The following PKD1L1 variants were observed in gnomAD, a reference collection of about 807,000 sequenced individuals.
The protein encoded by PKD1L1 is polycystin-1-like protein 1.
In PKD1L1, 236 loss-of-function variants were observed where a neutral mutation model predicts 323.4. That is an observed-to-expected ratio of 0.73 (90% CI 0.66 to 0.81). The LOEUF is 0.81. Ranked by LOEUF, PKD1L1 falls within the 40% of genes least tolerant of loss-of-function variation. PKD1L1 has a pLI of 0.00. For missense variants in PKD1L1, 3,320 were observed against 3,508.0 expected, an observed-to-expected ratio of 0.95 and a Z score of 1.35; for synonymous variants, 1,344 against 1,335.0, an observed-to-expected ratio of 1.01 and a Z score of -0.15.
upstream of PKD1L1, among the ~76,000 whole-genome samples, chr7:47,949,941 C>T (rs999021542): frequency 3.3e-5 from 5 of 152,200 alleles, no homozygotes; most frequent in African/African-American, 1.2e-4. Context: ...GGGCCTGCTG[C>T]CACCTCTGCT....
chr7:47,853,782 A>AC (rs1445381605), intron 30 of PKD1L1, among the ~76,000 whole-genome samples: 231 of 150,450 alleles, frequency 1.5e-3, no homozygotes, highest in Non-Finnish European at 2.2e-3. Context: ...AAAAAAAAAA[A>AC]AACACCAAAA....
Position 47,905,929 on chromosome 7 carries a change from G to T in PKD1L1, c.1436C>A (p.Pro479His), listed in dbSNP as rs367553671. ...TVVIHHFPSI[P>H]SYNVSFISQT... ...AGAAATAAAGGACACGTTATATGAA[G>T]GAATAGATGGAAAGTGATGTATAAC... The change falls in exon 10 of 57, where the codon CCT becomes CAT. Residue 479 changes from proline to histidine, a missense_variant. Pro to His is a moderately conservative substitution (Grantham distance 77). Coordinates refer to ENST00000289672, the MANE Select transcript of PKD1L1 (RefSeq NM_138295.5). The T allele has an allele frequency of 6.2e-7, 1 of 1,611,544 alleles. No homozygotes were observed. The highest frequency in any genetic ancestry group is 8.5e-7 in the Non-Finnish European group (1 of 1,179,114).
At chr7:47,924,282 T>C (rs569364344) in intron 7 of PKD1L1, among the ~76,000 whole-genome samples, 13 of 152,286 alleles carry the variant, frequency 8.5e-5, no homozygotes, top group Admixed American at 2.6e-4. Context: ...GGCTGAACAA[T>C]TGGGATGAAA....
At position 47,808,320 on chromosome 7, in the gene PKD1L1, T is replaced by A; in HGVS notation, c.7754A>T (p.Asp2585Val). ...TCCTCTGTGAAACTGGTTAGTGACA[T>A]CTCCAGCAAGAGTAACAAGGTGGCC... The part of the protein sequence containing the change: ...VSGHLVTLAG[D>V]VTNQFHRGLC... Residue 2585 changes from aspartate to valine, a missense_variant, in exon 52 of 57, where the codon GAT (aspartate) becomes GTT (valine). Transcript: ENST00000289672. 1 of 1,614,038 alleles carries A rather than the reference T, an allele frequency of 6.2e-7. No homozygotes were observed. Among genetic ancestry groups the A allele is most frequent in the South Asian group, 1.1e-5 (1 of 91,076 alleles).
At chr7:47,916,326 A>C (rs966258842) in intron 7 of PKD1L1, among the ~76,000 whole-genome samples, 1 of 152,212 alleles carries the variant, frequency 6.6e-6, no homozygotes, top group African/African-American at 2.4e-5. Flanking sequence ...AGTTCTTTCT[A>C]GAGTTGACCT....
At chr7:47,788,110 G>C (rs1022221003) in intron 56 of PKD1L1, among the ~76,000 whole-genome samples, 3 of 151,742 alleles carry the variant, frequency 2.0e-5, no homozygotes, top group African/African-American at 4.8e-5. Flanking sequence ...TTTAACTTGA[G>C]CTATATTCCT....
chr7:47,931,800 A>C (rs1211484297), intron 5 of PKD1L1, 136 bp downstream of exon 5: 2 of 1,189,356 alleles, frequency 1.7e-6, no homozygotes, highest in Admixed American at 2.3e-5. Context: ...GCAGTGTCCA[A>C]ATGACTTAGA....
At chr7:47,823,914 G>C (rs1785195098) in intron 45 of PKD1L1, among the ~76,000 whole-genome samples, 1 of 152,212 alleles carries the variant, frequency 6.6e-6, no homozygotes, top group African/African-American at 2.4e-5. Flanking sequence ...TGTGGGTGTT[G>C]TTACCAGCTC....
chr7:47,791,966 T>C (rs1021289741), intron 56 of PKD1L1, among the ~76,000 whole-genome samples: 6 of 152,208 alleles, frequency 3.9e-5, no homozygotes, highest in Admixed American at 6.5e-5. Context: ...AGTTTGCAAG[T>C]AGTGTGACTC....
chr7:47,845,095 G>C lies in PKD1L1; in HGVS notation c.5154-17C>G. On this transcript the variant is annotated splice_polypyrimidine_tract_variant and intron_variant, in intron 32 of 56. Coordinates refer to ENST00000289672, the MANE Select transcript of PKD1L1 (RefSeq NM_138295.5). ...CGATGGTAGCTAGGAGGGAAATGCG[G>C]ATGAGGATACAGAATGTGTGGAGAG... is the stretch of plus-strand genomic sequence containing the variant. The C allele has an allele frequency of 6.2e-7, 1 of 1,607,836 alleles. No homozygotes were observed. The highest frequency in any genetic ancestry group is 8.5e-7 in the Non-Finnish European group (1 of 1,175,304).
intron 24 of PKD1L1, 45 bp from the exon 25 acceptor site, chr7:47,866,659 A>G (rs747727862): frequency 1.2e-5 from 18 of 1,497,926 alleles, no homozygotes; most frequent in Non-Finnish European, 1.4e-5. Context: ...AACACACGGC[A>G]AAACTTTTCA....
chr7:47,830,105 C>T lies in PKD1L1; in HGVS notation c.6493G>A (p.Val2165Met), dbSNP rs1276668632. The change falls in exon 43 of 57, where the codon GTG (valine) becomes ATG (methionine). Residue 2165 changes from valine (V) to methionine (M), a missense_variant. Physicochemically the swap from Val to Met is conservative, Grantham distance 21. Transcript: ENST00000289672. Reference protein sequence around the residue: ...LAYRFGQEQCVQWLHLLSLSV... With the variant: ...LAYRFGQEQCMQWLHLLSLSV... The stretch of plus-strand genomic sequence containing the variant: ...AGGGACAGCAGGTGCAGCCACTGCA[C>T]ACATTGCTCCTGGCCAAACCTGCCC... The T allele has an allele frequency of 3.1e-6, 5 of 1,614,096 alleles. No homozygotes were observed. Among genetic ancestry groups the T allele is most frequent in the Admixed American group, 1.7e-5 (1 of 60,026 alleles).
chr7:47,837,059 A>T lies in PKD1L1; in HGVS notation c.5805T>A (p.Asp1935Glu), dbSNP rs200628549. Residue 1935 changes from aspartate to glutamate, a missense_variant, in exon 37 of 57, where the codon GAT (aspartate) becomes GAA (glutamate). By Grantham distance (45) the Asp-to-Glu change is conservative (BLOSUM62 2). Coordinates refer to ENST00000289672, the MANE Select transcript of PKD1L1 (RefSeq NM_138295.5). The part of the protein sequence containing the change: ...FYCKFTEYLE[D>E]FHVWLSVYSR... ...TGTACACCGACAGCCAGACATGGAA[A>T]TCCTCCAGGTACTCTGTGAACTTGC... The T allele has an allele frequency of 6.2e-7, 1 of 1,614,228 alleles. No homozygotes were observed. The highest frequency in any genetic ancestry group is 1.3e-5 in the African/African-American group (1 of 75,074).
At position 47,809,522 on chromosome 7, in the gene PKD1L1, A is replaced by G. The variant is rs201684128; in HGVS notation, c.7637T>C (p.Met2546Thr). ...CCAGTAGCTGAGGACGCCCTTGTCC[A>G]TCATACGGTAGAGTTGAACACAGAG... ...IHLCVQLYRM[M>T]DKGVLSYWRK... The change falls in exon 51 of 57, where the codon ATG (methionine) becomes ACG (threonine). Residue 2546 changes from methionine (M) to threonine (T), a missense_variant. By Grantham distance (81) the Met-to-Thr change is moderately conservative (BLOSUM62 -1). Coordinates refer to ENST00000289672, the MANE Select transcript of PKD1L1 (RefSeq NM_138295.5). 3.3e-4 allele frequency: 527 copies of G among 1,609,850 alleles called. 1 individual carries two copies. The highest frequency in any genetic ancestry group is 4.2e-4 in the Non-Finnish European group (495 of 1,178,354).
Position 47,843,010 on chromosome 7 carries a change from C to T in PKD1L1, c.5397G>A (p.Ala1799=), listed in dbSNP as rs548476706. Residue 1799 remains alanine (A), a synonymous_variant, in exon 34 of 57, where the codon GCG becomes GCA. Coordinates refer to ENST00000289672, the MANE Select transcript of PKD1L1 (RefSeq NM_138295.5). ...CTCGGAAGCCAGTGTCAATGACGAC[C>T]GCATATAGCTGATGGCCCGGCAGGG... ...EASLPGHQLY[A]VVIDTGFRAP... 107 of 1,613,816 alleles carry T rather than the reference C, an allele frequency of 6.6e-5. No homozygotes were observed. The highest frequency in any genetic ancestry group is 1.7e-4 in the Middle Eastern group (1 of 6,054).
At position 47,821,115 on chromosome 7, in the gene PKD1L1, T is replaced by C. The variant is rs747806309; in HGVS notation, c.6926A>G (p.Glu2309Gly). The C allele has an allele frequency of 3.7e-6, 6 of 1,607,846 alleles. No individual in the cohort carries two copies. The highest frequency in any genetic ancestry group is 5.1e-6 in the Non-Finnish European group (6 of 1,174,322). Reference sequence around the variant, plus strand: ...CCGGATAGCTTGATTGAGGGAGTATTCATCTTGGGAAAATCTCCCATATAT... The same window carrying C: ...CCGGATAGCTTGATTGAGGGAGTATCCATCTTGGGAAAATCTCCCATATAT... ...CVIYGRFSQD[E>G]YSLNQAIRKE... Residue 2309 changes from glutamate (E) to glycine (G), a missense_variant, in exon 46 of 57, where the codon GAA (glutamate) becomes GGA (glycine). Coordinates refer to ENST00000289672, the MANE Select transcript of PKD1L1 (RefSeq NM_138295.5).
chr7:47,834,114 A>C (rs1443075378), intron 40 of PKD1L1, among the ~76,000 whole-genome samples: 2 of 148,788 alleles, frequency 1.3e-5, no homozygotes, highest in Non-Finnish European at 1.5e-5. Context: ...ACCCACCTGG[A>C]GAGCCGGGTT....
intron 46 of PKD1L1, among the ~76,000 whole-genome samples, chr7:47,817,792 C>T (rs1785051884): frequency 6.6e-6 from 1 of 152,124 alleles, no homozygotes; most frequent in African/African-American, 2.4e-5. Context: ...ATTCCTTGAA[C>T]CCGGGAGGCA....
Position 47,857,607 on chromosome 7 carries a change from G to T in PKD1L1, c.4588C>A (p.Gln1530Lys). The T allele has an allele frequency of 6.2e-7, 1 of 1,612,938 alleles. No homozygotes were observed. The highest frequency in any genetic ancestry group is 8.5e-7 in the Non-Finnish European group (1 of 1,178,974). Residue 1530 changes from glutamine (Q) to lysine (K), a missense_variant and splice_region_variant, in exon 28 of 57, where the codon CAG becomes AAG. Coordinates refer to ENST00000289672, the MANE Select transcript of PKD1L1 (RefSeq NM_138295.5). Reference sequence around the variant, plus strand: ...GCAGGTCATCTGTCAGCTTGTACCTGCCCAGGAGCTTGGCTCCCTGGATAT... The same window carrying T: ...GCAGGTCATCTGTCAGCTTGTACCTTCCCAGGAGCTTGGCTCCCTGGATAT... ...NPYPGSQAPGQIGGVVGLNLY... is the reference protein window; with the variant it reads ...NPYPGSQAPGKIGGVVGLNLY...
Sources: gnomAD v4.1 joint callset for allele counts (sites outside exome capture counted in the v4.1 genomes callset) on GRCh38, gnomAD v4.1.1 for gene constraint, MANE v1.5 for transcripts, NCBI Gene and HGNC (gene_info 2026-07-23, HGNC 2026-07-21) for gene names.